The following TACC1 variants were observed in gnomAD, a reference collection of about 807,000 sequenced individuals.
TACC1 encodes the protein transforming acidic coiled-coil containing protein 1.
In TACC1, 48 loss-of-function variants were observed where a neutral mutation model predicts 84.4. That is an observed-to-expected ratio of 0.57 (90% CI 0.45 to 0.72). The LOEUF is 0.72. Ranked by LOEUF, TACC1 falls within the 30% of genes least tolerant of loss-of-function variation. The probability of loss-of-function intolerance (pLI) is 0.00; values close to 1 mark genes in which losing one functional copy is unlikely to be tolerated. For synonymous variants in TACC1, 372 were observed against 376.3 expected (o/e 0.99, Z 0.13); for missense variants, 920 against 973.0 (o/e 0.95, Z 0.72).
chr8:38,842,166 A>C, intron 9 of TACC1, 121 bp from the exon 10 acceptor site: 1 of 1,146,584 alleles, frequency 8.7e-7, no homozygotes, highest in African/African-American at 1.5e-5. Context: ...AGTATAAGCC[A>C]TAAGAGCGGG....
chr8:38,838,133 C>T (rs770940195), intron 7 of TACC1, among the ~76,000 whole-genome samples: 1 of 152,246 alleles, frequency 6.6e-6, no homozygotes, highest in Non-Finnish European at 1.5e-5. Context: ...ACCTGCCAAT[C>T]AGATGGCTCT....
chr8:38,820,012 C>T lies in TACC1; in HGVS notation c.768C>T (p.Gly256=), dbSNP rs764321632. The T allele has an allele frequency of 1.2e-6, 2 of 1,613,994 alleles. No homozygotes were observed. Among genetic ancestry groups the T allele is most frequent in the Non-Finnish European group, 1.7e-6 (2 of 1,180,038 alleles). ...CAGACACCAACGCTGCTGTGGAGGG[C>T]ACACCTCTCCCCAAGGCATCCTATC... is the stretch of plus-strand genomic sequence containing the variant. ...EFSDTNAAVE[G]TPLPKASYHF... The change falls in exon 3 of 13, where the codon GGC becomes GGT. Residue 256 remains glycine (G), a synonymous_variant. Coordinates refer to ENST00000317827, the MANE Select transcript of TACC1 (RefSeq NM_006283.3).
chr8:38,829,547 C>G (rs1828802539), intron 5 of TACC1, among the ~76,000 whole-genome samples: 1 of 152,210 alleles, frequency 6.6e-6, no homozygotes, highest in African/African-American at 2.4e-5. Context: ...TTCCTTTCCC[C>G]CTTCCTGTTC....
At chr8:38,766,016 G>A (rs921617869) in intron 3 of TACC1, among the ~76,000 whole-genome samples, 2 of 152,138 alleles carry the variant, frequency 1.3e-5, no homozygotes, top group African/African-American at 4.8e-5. Context: ...ATTTTTCAGG[G>A]ACAGTCTTTA....
Position 38,807,179 on chromosome 8 carries a change from G to A in TACC1, c.278-12343G>A, listed in dbSNP as rs549154385. On this transcript the variant is annotated intron_variant, in intron 2 of 12. Coordinates refer to ENST00000317827, the MANE Select transcript of TACC1 (RefSeq NM_006283.3). Reference sequence around the variant, plus strand: ...CAAGCTCTCTGAAGCTCATACTTCCGAGAGTTTTTATAACTTGGTCTTCAG... The same window carrying A: ...CAAGCTCTCTGAAGCTCATACTTCCAAGAGTTTTTATAACTTGGTCTTCAG... Among the ~76,000 whole-genome samples, 137 of 152,228 alleles carry A rather than the reference G, an allele frequency of 9.0e-4. 3 individuals are homozygous for A. In the South Asian group the frequency reaches 0.026, roughly 29 times the overall value.
upstream of TACC1, chr8:38,787,176 G>T (rs1036630277): frequency 2.1e-4 from 204 of 985,420 alleles, no homozygotes; most frequent in South Asian, 1.1e-3. Flanking sequence ...GTCCGAGGGG[G>T]CGGCTTCTGG....
intron 2 of TACC1, among the ~76,000 whole-genome samples, chr8:38,817,921 A>T (rs943012526): frequency 0.019 from 894 of 46,786 alleles, 22 homozygotes; most frequent in African/African-American, 0.055. Context: ...GAGACCCCTA[A>T]AAAAAAAAAA....
intron 2 of TACC1, among the ~76,000 whole-genome samples, chr8:38,792,708 G>A (rs1180165347): frequency 6.6e-6 from 1 of 152,072 alleles, no homozygotes; most frequent in Non-Finnish European, 1.5e-5. Context: ...CTCGTGATCC[G>A]CCCGCCTTGG....
At chr8:38,797,404 C>G (rs1332712579) in intron 2 of TACC1, among the ~76,000 whole-genome samples, 1 of 152,218 alleles carries the variant, frequency 6.6e-6, no homozygotes, top group Non-Finnish European at 1.5e-5. Context: ...AAGCTTTTCC[C>G]ATTGCTTTCT....
At chr8:38,828,056 A>G (rs1002303456) in intron 5 of TACC1, 2 of 152,708 alleles carry the variant, frequency 1.3e-5, no homozygotes, top group Non-Finnish European at 2.9e-5. Context: ...CATGAGATTT[A>G]GGGGGCAAAT....
chr8:38,816,067 A>G (rs1825381176), intron 2 of TACC1, among the ~76,000 whole-genome samples: 2 of 152,210 alleles, frequency 1.3e-5, no homozygotes, highest in South Asian at 4.1e-4. Flanking sequence ...TAAGTTTTTA[A>G]ATAATTCAGC....
chr8:38,849,999 CA>C lies in TACC1; in HGVS notation c.*1977del. The C allele has an allele frequency of 6.6e-6, 1 of 152,612 alleles. No homozygotes were observed. Among genetic ancestry groups the C allele is most frequent in the Non-Finnish European group, 1.5e-5 (1 of 68,022 alleles). The allele number at this position is 152,612 out of a possible 1,614,324, so 9.5% of individuals were successfully genotyped here. ...TTTTGCTGCTGTGTTTTGGTGTTTT[CA>C]TGTTTACTTGTTTTATATTGATCTG... is the stretch of plus-strand genomic sequence containing the variant. On this transcript the variant is annotated 3_prime_UTR_variant, in exon 13 of 13. Coordinates refer to ENST00000317827, the MANE Select transcript of TACC1 (RefSeq NM_006283.3).
Position 38,831,196 on chromosome 8 carries a change from A to T in TACC1, c.1713+19A>T, listed in dbSNP as rs1314116754. The T allele has an allele frequency of 2.5e-6, 4 of 1,613,886 alleles. No homozygotes were observed. Among genetic ancestry groups the T allele is most frequent in the Non-Finnish European group, 3.4e-6 (4 of 1,179,776 alleles). ...TGTGCTTGTAAGTTCCTGAATGTGG[A>T]GGGCCGGGTGGACTCAGGTTTCTTT... is the stretch of plus-strand genomic sequence containing the variant. On this transcript the variant is annotated intron_variant, in intron 6 of 12. Coordinates refer to ENST00000317827, the MANE Select transcript of TACC1 (RefSeq NM_006283.3).
At chr8:38,738,971 A>G (rs1181701957) in intron 1 of TACC1, among the ~76,000 whole-genome samples, 3 of 151,894 alleles carry the variant, frequency 2.0e-5, no homozygotes, top group Non-Finnish European at 2.9e-5. Context: ...GCTCACTGCA[A>G]CCTCCGCCTC....
intron 2 of TACC1, among the ~76,000 whole-genome samples, chr8:38,800,177 C>T (rs6997835): frequency 0.36 from 54,013 of 152,072 alleles, 9,650 homozygotes; most frequent in Non-Finnish European, 0.38. Flanking sequence ...GAACATTTTA[C>T]TAGAAATCAC....
chr8:38,816,431 ACTAT>A (rs1299675939), intron 2 of TACC1, among the ~76,000 whole-genome samples: 1 of 152,124 alleles, frequency 6.6e-6, no homozygotes, highest in Non-Finnish European at 1.5e-5. Flanking sequence ...CATTTCTTAA[ACTAT>A]CTGTCCTTAG....
chr8:38,730,355 G>A (rs547440581), intron 1 of TACC1, among the ~76,000 whole-genome samples: 1 of 152,324 alleles, frequency 6.6e-6, no homozygotes, highest in Non-Finnish European at 1.5e-5. Flanking sequence ...ATTACAACTC[G>A]GCCTCTCTCT....
chr8:38,757,201 G>C (rs1717906281), intron 3 of TACC1: 1 of 784,958 alleles, frequency 1.3e-6, no homozygotes, highest in African/African-American at 1.9e-5. Context: ...GGGACCCTAC[G>C]GCCGGGCGCC....
Position 38,761,156 on chromosome 8 carries a change from T to G in TACC1, c.26+15663T>G, listed in dbSNP as rs188397456. 1.8e-4 allele frequency among the ~76,000 whole-genome samples: 27 copies of G among 152,338 alleles called. No homozygotes were observed. In the East Asian group the frequency reaches 4.2e-3, roughly 24 times the overall value. On this transcript the variant is annotated intron_variant, in intron 3 of 14. Transcript: ENST00000518415. ...GGGAATATGATAGTTTGATGAAATG[T>G]TTGAAATCACTCATTCCTTAGTTGT... is the stretch of plus-strand genomic sequence containing the variant.
Sources: allele counts gnomAD v4.1 joint callset (sites outside exome capture counted in the v4.1 genomes callset), GRCh38; gene constraint gnomAD v4.1.1; transcripts MANE v1.5; gene names NCBI Gene and HGNC (gene_info 2026-07-23, HGNC 2026-07-21).